PGPEP1: variants seen among roughly 807,000 people sequenced by gnomAD.
The protein encoded by PGPEP1 is pyroglutamyl-peptidase I, also known as pyroglutamyl-peptidase 1.
A neutral mutation model predicts 24.1 loss-of-function variants in PGPEP1; 15 were observed. The observed-to-expected ratio is 0.62, with a 90% confidence interval of 0.42 to 0.96. The LOEUF (loss-of-function observed/expected upper bound fraction) is 0.96. PGPEP1 is among the 40% of genes least tolerant of loss of function. The pLI, the probability that PGPEP1 is intolerant of heterozygous loss-of-function variation, is 0.00. For missense variants in PGPEP1, 242 were observed against 273.4 expected (o/e 0.89, Z 0.81); for synonymous variants, 122 against 116.4 (o/e 1.05, Z -0.31).
chr19:18,363,033 TTGTGTGTG>T (rs201259409), intron 4 of PGPEP1, among the ~76,000 whole-genome samples: 10 of 136,786 alleles, frequency 7.3e-5, no homozygotes, highest in African/African-American at 8.2e-5. Context: ...TTTTTTTTGT[TTGTGTGTG>T]TGTGTGTGTG....
chr19:18,344,577 T>G (rs1970778273), intron 2 of PGPEP1, among the ~76,000 whole-genome samples: 1 of 137,828 alleles, frequency 7.3e-6, no homozygotes, highest in Non-Finnish European at 1.6e-5. Flanking sequence ...ACCTCAAAGT[T>G]TTGGCTGTTT....
At chr19:18,352,840 G>A (rs1201158356) in intron 2 of PGPEP1, among the ~76,000 whole-genome samples, 1 of 151,948 alleles carries the variant, frequency 6.6e-6, no homozygotes, top group African/African-American at 2.4e-5. Flanking sequence ...ACAGGCGTGA[G>A]CCACCGTACT....
At chr19:18,363,268 C>A in intron 4 of PGPEP1, 123 bp from the exon 5 acceptor site, 1 of 693,868 alleles carries the variant, frequency 1.4e-6, no homozygotes, top group Non-Finnish European at 2.4e-6. Flanking sequence ...AGTGTTGTTC[C>A]ATCTTGTGGG....
intron 1 of PGPEP1, among the ~76,000 whole-genome samples, chr19:18,342,505 T>C (rs1317883012): frequency 6.6e-6 from 1 of 152,138 alleles, no homozygotes; most frequent in Non-Finnish European, 1.5e-5. Context: ...TCAGGGCATT[T>C]TGGGACAGTG....
At chr19:18,359,732 C>T (rs1441676609) in intron 4 of PGPEP1, among the ~76,000 whole-genome samples, 3 of 152,036 alleles carry the variant, frequency 2.0e-5, no homozygotes, top group Admixed American at 6.6e-5. Flanking sequence ...AGGGTGGTCT[C>T]GAACTCCCGA....
In PGPEP1 at chr19:18,365,126, G is replaced by T. The variant is rs1484261339; in HGVS notation, c.*1543G>T. 1 of 152,170 alleles carries T rather than the reference G, an allele frequency of 6.6e-6. No homozygotes were observed. The highest frequency in any genetic ancestry group is 2.4e-5 in the African/African-American group (1 of 41,436). The allele number at this position is 152,170 out of a possible 1,614,324, so 9.4% of individuals were successfully genotyped here. ...GGTAACCTTGAACTTACCAGGCAGG[G>T]ATGAGATGACGTAAACTTCCTCAGA... On this transcript the variant is annotated 3_prime_UTR_variant, in exon 5 of 5. Coordinates refer to ENST00000269919, the MANE Select transcript of PGPEP1 (RefSeq NM_017712.4).
chr19:18,341,450 G>T (rs1240055545), intron 1 of PGPEP1, among the ~76,000 whole-genome samples: 1 of 152,168 alleles, frequency 6.6e-6, no homozygotes, highest in Non-Finnish European at 1.5e-5. Context: ...CAGAGTCAAG[G>T]AGTGGGGGGG....
intron 3 of PGPEP1, among the ~76,000 whole-genome samples, chr19:18,357,025 A>G (rs747042362): frequency 7.9e-5 from 12 of 152,236 alleles, no homozygotes; most frequent in Non-Finnish European, 1.6e-4. Context: ...GCGACAGAGC[A>G]AGACTCCATC....
chr19:18,358,696 A>G (rs1327667910), intron 4 of PGPEP1, among the ~76,000 whole-genome samples: 1 of 151,844 alleles, frequency 6.6e-6, no homozygotes, highest in Admixed American at 6.6e-5. Context: ...GCTCACTGCA[A>G]CCTCCGCCTC....
chr19:18,355,912 C>T lies in PGPEP1; in HGVS notation c.105C>T (p.Gly35=), dbSNP rs1178929270. 3.1e-6 allele frequency: 5 copies of T among 1,612,134 alleles called. No homozygotes were observed. The African/African-American group carries it at 6.7e-5, about 22-fold the overall frequency. ...TCTTCCAGGAGCTAGAAAAGCTAGGCCTTGGCGACAGCGTGGACCTGCATG... is the reference window on the plus strand; with the variant it reads ...TCTTCCAGGAGCTAGAAAAGCTAGGTCTTGGCGACAGCGTGGACCTGCATG... The part of the protein sequence containing the change: ...WIAVQELEKL[G]LGDSVDLHVY... Residue 35 remains glycine (G), a synonymous_variant, in exon 3 of 5, where the codon GGC becomes GGT. Coordinates refer to ENST00000269919, the MANE Select transcript of PGPEP1 (RefSeq NM_017712.4).
rs777767592 is a variant in PGPEP1 at position 18,363,595 on chromosome 19, G to T, written c.*12G>T. On this transcript the variant is annotated 3_prime_UTR_variant, in exon 5 of 5. Coordinates refer to ENST00000269919, the MANE Select transcript of PGPEP1 (RefSeq NM_017712.4). ...GCCACAAACACTGAGGGACGCTCAG[G>T]TCTCCTAAGACCTCATCCTGCTGGG... 3.1e-6 allele frequency: 5 copies of T among 1,606,668 alleles called. No individual in the cohort carries two copies. In the Admixed American group the frequency reaches 6.8e-5, roughly 22 times the overall value.
chr19:18,363,357 G>GT (rs1568319719), intron 4 of PGPEP1, 34 bp from the exon 5 acceptor site: 1 of 1,573,692 alleles, frequency 6.4e-7, no homozygotes, highest in East Asian at 2.3e-5. Context: ...CCCCGTTTTG[G>GT]TCTCTCTCTT....
At chr19:18,361,627 C>T in intron 4 of PGPEP1, 1 of 596,176 alleles carries the variant, frequency 1.7e-6, no homozygotes, top group Non-Finnish European at 2.1e-6. Context: ...TCATAGGTAA[C>T]TCTAGAACAT....
chr19:18,363,068 T>TGTGTG (rs60619670), intron 4 of PGPEP1, among the ~76,000 whole-genome samples: 2 of 146,704 alleles, frequency 1.4e-5, no homozygotes, highest in East Asian at 2.0e-4. Flanking sequence ...TGTGTGTGTG[T>TGTGTG]TTTAAAGAGA....
At chr19:18,342,568 C>T (rs905518721) in intron 1 of PGPEP1, among the ~76,000 whole-genome samples, 1 of 152,166 alleles carries the variant, frequency 6.6e-6, no homozygotes, top group African/African-American at 2.4e-5. Context: ...AAGACAGGAT[C>T]AGGACCTTTT....
chr19:18,359,334 C>G (rs1470934122), intron 4 of PGPEP1, among the ~76,000 whole-genome samples: 1 of 152,022 alleles, frequency 6.6e-6, no homozygotes, highest in East Asian at 1.9e-4. Context: ...TGGCCCTTGG[C>G]CCGCCTCTCC....
intron 2 of PGPEP1, among the ~76,000 whole-genome samples, chr19:18,352,071 A>T (rs1328549286): frequency 6.6e-6 from 1 of 151,856 alleles, no homozygotes; most frequent in Middle Eastern, 3.2e-3. Flanking sequence ...GGAGATCGAG[A>T]CCATCCTGGT....
At chr19:18,346,153 G>C (rs10421536) in intron 2 of PGPEP1, among the ~76,000 whole-genome samples, 130,518 of 152,080 alleles carry the variant, frequency 0.86, 56,575 homozygotes, top group Non-Finnish European at 0.92. Context: ...TTTTGCGCCA[G>C]TAGGTGAATT....
rs1466753238 is a variant in PGPEP1 at position 18,368,116 on chromosome 19, G to C, written c.*4533G>C. On this transcript the variant is annotated 3_prime_UTR_variant, in exon 5 of 5. Transcript: ENST00000269919. ...CTACTGTACCCCAGCCTGGGCAACA[G>C]AGCAAGACCCTGCCTCAAAATTAAG... is the stretch of plus-strand genomic sequence containing the variant. 1 of 151,658 alleles carries C rather than the reference G, an allele frequency of 6.6e-6. No homozygotes were observed. The highest frequency in any genetic ancestry group is 1.9e-4 in the East Asian group (1 of 5,168). The allele number at this position is 151,658 out of a possible 1,614,324, so 9.4% of individuals were successfully genotyped here. A position where few individuals can be genotyped will look rare whatever the true frequency, so the allele number is the denominator to read the frequency against.
Sources: gnomAD v4.1 joint callset for allele counts (sites outside exome capture counted in the v4.1 genomes callset) on GRCh38, gnomAD v4.1.1 for gene constraint, MANE v1.5 for transcripts, NCBI Gene and HGNC (gene_info 2026-07-23, HGNC 2026-07-21) for gene names.